ATP4A: variants seen among roughly 807,000 people sequenced by gnomAD.
The protein encoded by ATP4A is potassium-transporting ATPase alpha chain 1.
A neutral mutation model predicts 112.1 loss-of-function variants in ATP4A; 73 were observed. The observed-to-expected ratio is 0.65, with a 90% CI of 0.54 to 0.79. The LOEUF (loss-of-function observed/expected upper bound fraction) is 0.79, where lower values mean the gene tolerates loss of function less well. ATP4A is among the 30% of genes least tolerant of loss of function. The pLI is 0.00. For missense variants in ATP4A, 1,081 were observed against 1,425.9 expected, an observed-to-expected ratio of 0.76 and a Z score of 3.90; for synonymous variants, 588 against 588.9, an observed-to-expected ratio of 1.00 and a Z score of 0.02.
At position 35,560,330 on chromosome 19, in the gene ATP4A, G is replaced by A. The variant is rs770846435; in HGVS notation, c.787+33C>T. 13 of 1,609,980 alleles carry A rather than the reference G, an allele frequency of 8.1e-6. No individual in the cohort carries two copies. The South Asian group carries it at 1.3e-4, about 16-fold the overall frequency. On this transcript the variant is annotated intron_variant, in intron 6 of 21. Transcript: ENST00000262623. This position sits in a 1 kb window ranked among gnomAD's most constrained non-coding sequence, Gnocchi z 5.1. ...AGGAGAGAGGCCAGTGGAGGCAGCA[G>A]TTACTGGGCAGGCAGGCGGGGGCTT... is the stretch of plus-strand genomic sequence containing the variant.
chr19:35,557,732 A>C lies in ATP4A; in HGVS notation c.1616T>G (p.Leu539Arg), dbSNP rs1192773108. ...CSSILIKGQE[L>R]PLDEQWREAF... ...CTCGCGCCACTGCTCGTCCAGCGGC[A>C]GCTCCTGGCCCTTGATAAGGATGGA... The change falls in exon 11 of 22, where the codon CTG becomes CGG. Residue 539 changes from leucine to arginine, a missense_variant. By Grantham distance (102) the Leu-to-Arg change is moderately radical. This residue lies in a region of ATP4A where 850 missense variants were observed against 1,068.2 expected (regional missense o/e 0.80). Coordinates refer to ENST00000262623, the MANE Select transcript of ATP4A (RefSeq NM_000704.3). This position sits in a 1 kb window ranked among gnomAD's most constrained non-coding sequence, Gnocchi z 4.4. The C allele has an allele frequency of 3.1e-6, 5 of 1,607,272 alleles. No individual in the cohort carries two copies. The African/African-American group carries it at 6.7e-5, about 21-fold the overall frequency.
chr19:35,558,517 CA>C lies in ATP4A; in HGVS notation c.1366-22del, dbSNP rs2071646814. On this transcript the variant is annotated intron_variant, in intron 9 of 21. Transcript: ENST00000262623. The surrounding 1 kb of genome is among the most constrained non-coding windows in gnomAD (Gnocchi z 5.1). ...ATGCGCTGGGAGCGGGGACCGGTGT[CA>C]GGGGCGAAGCCGGCTACACCAGCCT... The C allele has an allele frequency of 6.3e-7, 1 of 1,590,376 alleles. No individual in the cohort carries two copies. Among genetic ancestry groups the C allele is most frequent in the Non-Finnish European group, 8.6e-7 (1 of 1,169,296 alleles).
intron 2 of ATP4A, 55 bp from the exon 3 acceptor site, chr19:35,563,323 C>G: frequency 6.2e-7 from 1 of 1,613,458 alleles, no homozygotes; most frequent in Non-Finnish European, 8.5e-7. Flanking sequence ...GCCCCCTCCC[C>G]GCCCACTGCC....
intron 18 of ATP4A, among the ~76,000 whole-genome samples, chr19:35,552,166 C>G (rs1219623699): frequency 6.6e-6 from 1 of 152,182 alleles, no homozygotes; most frequent in Non-Finnish European, 1.5e-5. Context: ...CCTGCCTTAG[C>G]CTCCCAAGTA....
Position 35,556,916 on chromosome 19 carries a change from G to A in ATP4A, c.1866C>T (p.Ile622=). 1 of 1,613,556 alleles carries A rather than the reference G, an allele frequency of 6.2e-7. No individual in the cohort carries two copies. Among genetic ancestry groups the A allele is most frequent in the South Asian group, 1.1e-5 (1 of 91,058 alleles). The change falls in exon 12 of 22, where the codon ATC becomes ATT. Residue 622 remains isoleucine (I), a synonymous_variant. Transcript: ENST00000262623. ...DAVLKCRTAG[I]RVIMVTGDHP... is the part of the protein sequence containing the mutation. ...GTTCCTCCCCACAGTGGCATACCCG[G>A]ATGCCTGCGGTGCGACACTTGAGCA...
chr19:35,557,202 C>G lies in ATP4A; in HGVS notation c.1694-114G>C, dbSNP rs1338597785. 1.4e-5 allele frequency: 17 copies of G among 1,213,784 alleles called. 1 individual carries two copies. In the South Asian group the frequency reaches 2.0e-4, roughly 14 times the overall value. The allele number at this position is 1,213,784 out of a possible 1,614,324, so 75.2% of individuals were successfully genotyped here. A position where few individuals can be genotyped will look rare whatever the true frequency, so the allele number is the denominator to read the frequency against. On this transcript the variant is annotated intron_variant, in intron 11 of 21. Transcript: ENST00000262623. This position sits in a 1 kb window ranked among gnomAD's most constrained non-coding sequence, Gnocchi z 4.4. Reference sequence around the variant, plus strand: ...GCACCAAACACCTATGGATGCCTGACCTTGTGCTGACCCCTTCACTCACAT... The same window carrying G: ...GCACCAAACACCTATGGATGCCTGAGCTTGTGCTGACCCCTTCACTCACAT...
rs756276887 is a variant in ATP4A at position 35,560,593 on chromosome 19, C to A, written c.557G>T (p.Gly186Val). Reference sequence around the variant, plus strand: ...GTCAGCGTTGATCTGGAATTTGTCTCCATCGCGGATGACAGTGGCTTGCTG... The same window carrying A: ...GTCAGCGTTGATCTGGAATTTGTCTACATCGCGGATGACAGTGGCTTGCTG... ...VPQQATVIRD[G>V]DKFQINADQL... The change falls in exon 6 of 22, where the codon GGA (glycine) becomes GTA (valine). Residue 186 changes from glycine to valine, a missense_variant. By Grantham distance (109) the Gly-to-Val change is moderately radical (BLOSUM62 -3). This residue lies in a region of ATP4A where 850 missense variants were observed against 1,068.2 expected (regional missense o/e 0.80). Coordinates refer to ENST00000262623, the MANE Select transcript of ATP4A (RefSeq NM_000704.3). The surrounding 1 kb of genome is among the most constrained non-coding windows in gnomAD (Gnocchi z 5.1). 1 of 1,612,500 alleles carries A rather than the reference C, an allele frequency of 6.2e-7. No individual in the cohort carries two copies. Among genetic ancestry groups the A allele is most frequent in the Non-Finnish European group, 8.5e-7 (1 of 1,179,338 alleles).
intron 17 of ATP4A, 119 bp downstream of exon 17, chr19:35,553,587 G>A (rs1398326366): frequency 7.0e-7 from 1 of 1,430,450 alleles, no homozygotes; most frequent in African/African-American, 1.4e-5. Context: ...CGGAGACCCA[G>A]GACCAAATGC....
chr19:35,558,286 C>G lies in ATP4A; in HGVS notation c.1500+76G>C. The stretch of plus-strand genomic sequence containing the variant: ...GGGCAAGGAGCGAAGCCCCTCGTGG[C>G]CCGCTGATGTGGGTGTGGCCTGGGG... On this transcript the variant is annotated intron_variant, in intron 10 of 21. Transcript: ENST00000262623. The surrounding 1 kb of genome is among the most constrained non-coding windows in gnomAD (Gnocchi z 5.1). 1 of 1,514,122 alleles carries G rather than the reference C, an allele frequency of 6.6e-7. No individual in the cohort carries two copies. The highest frequency in any genetic ancestry group is 8.9e-7 in the Non-Finnish European group (1 of 1,126,296). 93.8% of individuals were successfully genotyped at this position (1,514,122 alleles called of 1,614,324 possible).
At position 35,554,951 on chromosome 19, in the gene ATP4A, T is replaced by C. The variant is rs1279611780; in HGVS notation, c.2452A>G (p.Ile818Val). 1.2e-6 allele frequency: 2 copies of C among 1,613,980 alleles called. No homozygotes were observed. Among genetic ancestry groups the C allele is most frequent in the South Asian group, 1.1e-5 (1 of 91,078 alleles). Reference sequence around the variant, plus strand: ...TCAGTGCAGAGTTCGATGAAGAGGATGGTGATGCACCCGAGGGGCAGGGGC... The same window carrying C: ...TCAGTGCAGAGTTCGATGAAGAGGACGGTGATGCACCCGAGGGGCAGGGGC... Reference protein sequence around the residue: ...SVPLPLGCITILFIELCTDIF... With the variant: ...SVPLPLGCITVLFIELCTDIF... Residue 818 changes from isoleucine (I) to valine (V), a missense_variant, in exon 16 of 22, where the codon ATC (isoleucine) becomes GTC (valine). Coordinates refer to ENST00000262623, the MANE Select transcript of ATP4A (RefSeq NM_000704.3).
At chr19:35,563,549 G>A (rs2071685422) in intron 1 of ATP4A, 22 bp from the exon 2 acceptor site, 1 of 1,613,964 alleles carries the variant, frequency 6.2e-7, no homozygotes, top group Non-Finnish European at 8.5e-7. Context: ...CAGGATGGAG[G>A]GAGGGAGAAC....
In ATP4A at chr19:35,558,763, C is replaced by T; in HGVS notation, c.1256-77G>A. 1.4e-6 allele frequency: 2 copies of T among 1,437,522 alleles called. No homozygotes were observed. Among genetic ancestry groups the T allele is most frequent in the East Asian group, 2.5e-5 (1 of 40,578 alleles). The allele number at this position is 1,437,522 out of a possible 1,614,324, so 89.0% of individuals were successfully genotyped here. On this transcript the variant is annotated intron_variant, in intron 8 of 21. Coordinates refer to ENST00000262623, the MANE Select transcript of ATP4A (RefSeq NM_000704.3). The surrounding 1 kb of genome is among the most constrained non-coding windows in gnomAD (Gnocchi z 5.1). ...GAACCGAGCCCCCTCCTCCTAGGCT[C>T]ATATCGCGGGCCCCCTCCCCAGACC... is the stretch of plus-strand genomic sequence containing the variant.
Position 35,558,988 on chromosome 19 carries a change from C to G in ATP4A, c.1255+5G>C, listed in dbSNP as rs772924550. On this transcript the variant is annotated splice_donor_5th_base_variant and intron_variant, in intron 8 of 21. Coordinates refer to ENST00000262623, the MANE Select transcript of ATP4A (RefSeq NM_000704.3). This position sits in a 1 kb window ranked among gnomAD's most constrained non-coding sequence, Gnocchi z 5.1. ...CCTGGCGCCTGTGCCCTCCCTCCCC[C>G]ACACCTGACTGGTCTTCCGTGGTGT... The G allele has an allele frequency of 2.5e-6, 4 of 1,614,086 alleles. No homozygotes were observed. Among genetic ancestry groups the G allele is most frequent in the Admixed American group, 1.7e-5 (1 of 60,028 alleles).
Position 35,556,816 on chromosome 19 carries a change from A to G in ATP4A, c.1869+97T>C, listed in dbSNP as rs1012053904. The G allele has an allele frequency of 2.1e-6, 3 of 1,452,726 alleles. No individual in the cohort carries two copies. The African/African-American group carries it at 4.3e-5, about 21-fold the overall frequency. The allele number at this position is 1,452,726 out of a possible 1,614,324, so 90.0% of individuals were successfully genotyped here. On this transcript the variant is annotated intron_variant, in intron 12 of 21. Coordinates refer to ENST00000262623, the MANE Select transcript of ATP4A (RefSeq NM_000704.3). ...TCATAAACCAATGCATTTTGGTTCAAGCCAGTTTCAGGTGGGTTTGTCATG... is the reference window on the plus strand; with the variant it reads ...TCATAAACCAATGCATTTTGGTTCAGGCCAGTTTCAGGTGGGTTTGTCATG...
In ATP4A at chr19:35,550,515, C is replaced by T. The variant is rs1025221219; in HGVS notation, c.*100G>A. 9.1e-5 allele frequency: 137 copies of T among 1,506,106 alleles called. No homozygotes were observed. In the African/African-American group the frequency reaches 1.7e-3, roughly 19 times the overall value. The allele number at this position is 1,506,106 out of a possible 1,614,324, so 93.3% of individuals were successfully genotyped here. The stretch of plus-strand genomic sequence containing the variant: ...AGCAGATACTGGTGGGGCTGGGACT[C>T]TTGGTTGCTCAGATATCTTGGTGGC... On this transcript the variant is annotated 3_prime_UTR_variant, in exon 22 of 22. Coordinates refer to ENST00000262623, the MANE Select transcript of ATP4A (RefSeq NM_000704.3). This position sits in a 1 kb window ranked among gnomAD's most constrained non-coding sequence, Gnocchi z 4.1.
In ATP4A at chr19:35,559,298, T is replaced by C; in HGVS notation, c.1057-107A>G. The stretch of plus-strand genomic sequence containing the variant: ...TTTACCCCAGCCGCGGGGCTGCGTG[T>C]GCAACGTGCTTCTGCAAACACCAGG... On this transcript the variant is annotated intron_variant, in intron 7 of 21. Transcript: ENST00000262623. The surrounding 1 kb of genome is among the most constrained non-coding windows in gnomAD (Gnocchi z 4.1). 2.5e-6 allele frequency: 3 copies of C among 1,189,670 alleles called. No homozygotes were observed. The African/African-American group carries it at 4.5e-5, about 18-fold the overall frequency. The allele number at this position is 1,189,670 out of a possible 1,614,324, so 73.7% of individuals were successfully genotyped here.
intron 18 of ATP4A, 34 bp downstream of exon 18, chr19:35,553,003 G>T: frequency 1.3e-6 from 2 of 1,557,266 alleles, no homozygotes; most frequent in Non-Finnish European, 1.7e-6. Flanking sequence ...GAAGGAGGGA[G>T]CCCAGGGATG....
rs142843033 is a variant in ATP4A at position 35,554,963 on chromosome 19, C to G, written c.2440G>C (p.Gly814Arg). Residue 814 changes from glycine (G) to arginine (R), a missense_variant, in exon 16 of 22, where the codon GGG becomes CGG. Coordinates refer to ENST00000262623, the MANE Select transcript of ATP4A (RefSeq NM_000704.3). The stretch of plus-strand genomic sequence containing the variant: ...TCGATGAAGAGGATGGTGATGCACC[C>G]GAGGGGCAGGGGCACGCTGACGGTG... ...YITVSVPLPL[G>R]CITILFIELC... is the part of the protein sequence containing the mutation. The G allele has an allele frequency of 7.4e-6, 12 of 1,613,968 alleles. No homozygotes were observed. The highest frequency in any genetic ancestry group is 1.3e-5 in the African/African-American group (1 of 74,876).
At position 35,557,861 on chromosome 19, in the gene ATP4A, G is replaced by T. The variant is rs577997195; in HGVS notation, c.1501-14C>A. On this transcript the variant is annotated splice_polypyrimidine_tract_variant and intron_variant, in intron 10 of 21. Coordinates refer to ENST00000262623, the MANE Select transcript of ATP4A (RefSeq NM_000704.3). The surrounding 1 kb of genome is among the most constrained non-coding windows in gnomAD (Gnocchi z 4.4). ...ATGGATGGACAGCTGTGGGCGGGGG[G>T]GAGAGGCGAGGCTGTGGACGGGGGA... The T allele has an allele frequency of 2.1e-6, 3 of 1,462,126 alleles. No individual in the cohort carries two copies. Among genetic ancestry groups the T allele is most frequent in the African/African-American group, 1.4e-5 (1 of 70,138 alleles). The allele number at this position is 1,462,126 out of a possible 1,614,324, so 90.6% of individuals were successfully genotyped here. A position where few individuals can be genotyped will look rare whatever the true frequency, so the allele number is the denominator to read the frequency against.
Sources: allele counts gnomAD v4.1 joint callset (sites outside exome capture counted in the v4.1 genomes callset), GRCh38; gene constraint gnomAD v4.1.1; regional missense constraint gnomAD v4.1.1; non-coding constraint Gnocchi (gnomAD v3.1); transcripts MANE v1.5; gene names NCBI Gene and HGNC (gene_info 2026-07-23, HGNC 2026-07-21).